The following MAST4 variants were observed in gnomAD, a reference collection of about 807,000 sequenced individuals.
The protein encoded by MAST4 is microtubule-associated serine/threonine-protein kinase 4.
Under a neutral mutation model 162.7 loss-of-function variants are expected in MAST4, and 89 were observed. The observed-to-expected ratio is 0.55, with a 90% CI of 0.46 to 0.65. MAST4 has a LOEUF of 0.65. Among genes scored for constraint, MAST4 ranks in the 30% least tolerant of loss-of-function variants. MAST4 has a pLI of 0.00. For synonymous variants in MAST4, 1,479 were observed against 1,361.1 expected (o/e 1.09, Z -1.91); for missense variants, 3,153 against 3,374.0 (o/e 0.93, Z 1.62).
chr5:67,152,945 C>A, intron 25 of MAST4, 79 bp downstream of exon 25: 2 of 1,161,008 alleles, frequency 1.7e-6, no homozygotes, highest in Non-Finnish European at 1.2e-6. Context: ...TGATAAATAG[C>A]AAATATATTT....
In MAST4 at chr5:66,913,387, C is replaced by G. The variant is rs201546660; in HGVS notation, c.674+13405C>G. Among the ~76,000 whole-genome samples, 8 of 152,106 alleles carry G rather than the reference C, an allele frequency of 5.3e-5. No homozygotes were observed. In the East Asian group the frequency reaches 1.5e-3, roughly 29 times the overall value. On this transcript the variant is annotated intron_variant, in intron 4 of 28. Transcript: ENST00000403625. ...CTAGAGTAATATTATATGCACCCTTCTTTTAGGCCTGGCTTCTCACTCAGC... is the reference window on the plus strand; with the variant it reads ...CTAGAGTAATATTATATGCACCCTTGTTTTAGGCCTGGCTTCTCACTCAGC...
At chr5:66,681,400 G>A (rs1355869803) in intron 1 of MAST4, among the ~76,000 whole-genome samples, 8 of 152,278 alleles carry the variant, frequency 5.3e-5, no homozygotes, top group Middle Eastern at 6.8e-3. Flanking sequence ...GGCCAGTGTC[G>A]TCCAGGCCAC....
intron 7 of MAST4, among the ~76,000 whole-genome samples, chr5:67,096,818 A>G (rs552294609): frequency 6.6e-6 from 1 of 152,268 alleles, no homozygotes; most frequent in South Asian, 2.1e-4. Flanking sequence ...GTTGTGATAT[A>G]TGAGTCTATT....
At position 67,026,633 on chromosome 5, in the gene MAST4, A is replaced by G. The variant is rs888286994; in HGVS notation, c.675-27771A>G. ...CTCCTTTAGTTGTTGTTATGGATCA[A>G]TACATTTTATTGACTCTTCTAGGGT... On this transcript the variant is annotated intron_variant, in intron 4 of 28. Transcript: ENST00000403625. Among the ~76,000 whole-genome samples, 7 of 144,030 alleles carry G rather than the reference A, an allele frequency of 4.9e-5. No individual in the cohort carries two copies. The East Asian group carries it at 5.8e-4, about 12-fold the overall frequency. 94.5% of individuals were successfully genotyped at this position (144,030 alleles called of 152,430 possible).
intron 15 of MAST4, among the ~76,000 whole-genome samples, chr5:67,131,010 G>A (rs1173132085): frequency 1.3e-5 from 2 of 152,074 alleles, no homozygotes; most frequent in African/African-American, 2.4e-5. Flanking sequence ...GAATAGATCA[G>A]TAACAATTTC....
At chr5:67,107,224 C>A (rs1332506314) in intron 10 of MAST4, among the ~76,000 whole-genome samples, 1 of 152,122 alleles carries the variant, frequency 6.6e-6, no homozygotes, top group African/African-American at 2.4e-5. Context: ...GATTGCTATC[C>A]AAAGCTATTT....
At chr5:66,966,845 A>G (rs1746794950) in intron 4 of MAST4, among the ~76,000 whole-genome samples, 1 of 152,206 alleles carries the variant, frequency 6.6e-6, no homozygotes. Context: ...ACTTACTTAC[A>G]CTGCAATTTC....
At chr5:66,985,431 T>A (rs1214617214) in intron 4 of MAST4, among the ~76,000 whole-genome samples, 1 of 152,150 alleles carries the variant, frequency 6.6e-6, no homozygotes, top group Non-Finnish European at 1.5e-5. Flanking sequence ...GGGCCCTAGA[T>A]TTTCCTGCTG....
chr5:67,025,077 T>G (rs1242398230), intron 4 of MAST4, among the ~76,000 whole-genome samples: 1 of 152,172 alleles, frequency 6.6e-6, no homozygotes, highest in Non-Finnish European at 1.5e-5. Context: ...CCTGTTTTGT[T>G]TTTTTATTTT....
At chr5:67,083,073 C>G (rs1049449844) in intron 5 of MAST4, among the ~76,000 whole-genome samples, 1 of 152,134 alleles carries the variant, frequency 6.6e-6, no homozygotes, top group African/African-American at 2.4e-5. Context: ...GAATAAATAT[C>G]TACAGGCCAA....
chr5:66,957,689 G>A (rs888690950), intron 4 of MAST4, among the ~76,000 whole-genome samples: 15 of 152,188 alleles, frequency 9.9e-5, no homozygotes, highest in Non-Finnish European at 1.0e-4. Context: ...TAAGGATGTA[G>A]AAAAGAGTTC....
At chr5:66,673,507 GT>G (rs1302264518) in intron 1 of MAST4, among the ~76,000 whole-genome samples, 1 of 140,864 alleles carries the variant, frequency 7.1e-6, no homozygotes. Flanking sequence ...CAATACGCTA[GT>G]TTTTTTTGTT....
At chr5:66,698,938 C>T (rs143297604) in intron 1 of MAST4, among the ~76,000 whole-genome samples, 1 of 152,336 alleles carries the variant, frequency 6.6e-6, no homozygotes, top group East Asian at 1.9e-4. Context: ...GGTCTCTCTG[C>T]TTCCACTTTT....
intron 3 of MAST4, among the ~76,000 whole-genome samples, chr5:66,832,075 T>C (rs955506460): frequency 1.3e-5 from 2 of 152,094 alleles, no homozygotes; most frequent in Non-Finnish European, 2.9e-5. Context: ...CAATGAACAA[T>C]AGGCATCGTA....
At chr5:66,855,659 C>G (rs571144478) in intron 3 of MAST4, among the ~76,000 whole-genome samples, 1 of 152,238 alleles carries the variant, frequency 6.6e-6, no homozygotes, top group South Asian at 2.1e-4. Flanking sequence ...CTGACACCTC[C>G]TGAGACACAC....
intron 3 of MAST4, among the ~76,000 whole-genome samples, chr5:66,836,096 G>T (rs896707180): frequency 6.6e-6 from 1 of 152,052 alleles, no homozygotes; most frequent in Non-Finnish European, 1.5e-5. Context: ...GCTTGAGCCT[G>T]GGAGGTTGAA....
chr5:66,839,588 G>GT lies in MAST4; in HGVS notation c.642+50804dup, dbSNP rs562790858. ...TATGTCCAGCTTTGAAGATGTGTAGGTTTTTTTTTTCCCCAAATTGCTTCC... is the reference window on the plus strand; with the variant it reads ...TATGTCCAGCTTTGAAGATGTGTAGGTTTTTTTTTTTCCCCAAATTGCTTCC... On this transcript the variant is annotated intron_variant, in intron 3 of 28. Coordinates refer to ENST00000403625, the MANE Select transcript of MAST4 (RefSeq NM_001164664.2). 1.6e-3 allele frequency among the ~76,000 whole-genome samples: 246 copies of GT among 149,628 alleles called. 8 individuals are homozygous for GT. In the South Asian group the frequency reaches 0.045, roughly 27 times the overall value.
chr5:67,061,928 C>T (rs976133864), intron 5 of MAST4, among the ~76,000 whole-genome samples: 1 of 152,144 alleles, frequency 6.6e-6, no homozygotes, highest in Non-Finnish European at 1.5e-5. Flanking sequence ...TTCCACCTCC[C>T]CAGACTCCTG....
At chr5:66,649,942 AT>A (rs10713388) in intron 1 of MAST4, among the ~76,000 whole-genome samples, 13,653 of 151,892 alleles carry the variant, frequency 0.09, 673 homozygotes, top group Admixed American at 0.13. Flanking sequence ...GTGATTGCCC[AT>A]TGGCTTCTCA....
Sources: allele counts gnomAD v4.1 joint callset (sites outside exome capture counted in the v4.1 genomes callset), GRCh38; gene constraint gnomAD v4.1.1; transcripts MANE v1.5; gene names NCBI Gene and HGNC (gene_info 2026-07-23, HGNC 2026-07-21).